The following PPP6R3 variants were observed in gnomAD, a reference collection of about 807,000 sequenced individuals.
PPP6R3 encodes serine/threonine-protein phosphatase 6 regulatory subunit 3.
Under a neutral mutation model 110.7 loss-of-function variants are expected in PPP6R3, and 38 were observed. The ratio of observed to expected loss-of-function variants is 0.34; its 90% CI spans 0.26 to 0.45. The LOEUF (loss-of-function observed/expected upper bound fraction) is 0.45. Among genes scored for constraint, PPP6R3 ranks in the 20% least tolerant of loss-of-function variants. The pLI is 1.00. For missense variants in PPP6R3, 870 were observed against 1,062.4 expected (o/e 0.82, Z 2.52); for synonymous variants, 369 against 373.5 (o/e 0.99, Z 0.14).
rs565261903 is a variant in PPP6R3 at position 68,597,266 on chromosome 11, G to A, written c.2038+1048G>A. Reference sequence around the variant, plus strand: ...ATTAGGCCTCTTTGTAGAGGCAGGTGGGTATGAGGCTGAAGGACCCGTAGG... The same window carrying A: ...ATTAGGCCTCTTTGTAGAGGCAGGTAGGTATGAGGCTGAAGGACCCGTAGG... On this transcript the variant is annotated intron_variant, in intron 19 of 23. Coordinates refer to ENST00000393800, the MANE Select transcript of PPP6R3 (RefSeq NM_001164161.2). 2.2e-4 allele frequency among the ~76,000 whole-genome samples: 34 copies of A among 152,282 alleles called. No homozygotes were observed. The South Asian group carries it at 6.8e-3, about 31-fold the overall frequency.
At chr11:68,536,186 AT>A (rs372090022) in intron 2 of PPP6R3, among the ~76,000 whole-genome samples, 58 of 149,202 alleles carry the variant, frequency 3.9e-4, no homozygotes, top group African/African-American at 5.2e-4. Context: ...TTTAAAAAAC[AT>A]TTTTTTTTTG....
Position 68,507,245 on chromosome 11 carries a change from CAT to C in PPP6R3, c.-157-12255_-157-12254del, listed in dbSNP as rs1491111641. 3.2e-3 allele frequency among the ~76,000 whole-genome samples: 383 copies of C among 121,570 alleles called. 1 individual carries two copies. Among genetic ancestry groups the C allele is most frequent in the African/African-American group, 0.011 (336 of 30,804 alleles). 79.8% of individuals were successfully genotyped at this position (121,570 alleles called of 152,430 possible). On this transcript the variant is annotated intron_variant, in intron 1 of 23. Coordinates refer to ENST00000393800, the MANE Select transcript of PPP6R3 (RefSeq NM_001164161.2). Reference sequence around the variant, plus strand: ...TGTACTTTTCACAGTAGTCTTTTTGCATTTTTTTTTTTTTTTTTTTGGTATAG... The same window carrying C: ...TGTACTTTTCACAGTAGTCTTTTTGCTTTTTTTTTTTTTTTTTTGGTATAG...
rs147924835 is a variant in PPP6R3 at position 68,563,768 on chromosome 11, T to C, written c.846-535T>C. On this transcript the variant is annotated intron_variant, in intron 8 of 23. Transcript: ENST00000393800. Reference sequence around the variant, plus strand: ...CCCAGAATTCTTATCCTTGAGTATTTACCCAGTTCTCATTCTACCTGTAAT... The same window carrying C: ...CCCAGAATTCTTATCCTTGAGTATTCACCCAGTTCTCATTCTACCTGTAAT... Among the ~76,000 whole-genome samples, 11 of 152,368 alleles carry C rather than the reference T, an allele frequency of 7.2e-5. No homozygotes were observed. The East Asian group carries it at 2.1e-3, about 29-fold the overall frequency.
chr11:68,564,189 T>C, intron 8 of PPP6R3, 114 bp from the exon 9 acceptor site: 1 of 1,151,450 alleles, frequency 8.7e-7, no homozygotes, highest in Non-Finnish European at 1.2e-6. Flanking sequence ...CCTAGCCTTT[T>C]TTCCCGCAGC....
intron 1 of PPP6R3, among the ~76,000 whole-genome samples, chr11:68,478,165 G>T (rs1283962114): frequency 2.6e-5 from 4 of 151,976 alleles, no homozygotes; most frequent in African/African-American, 9.7e-5. Context: ...GGCCAGGCTG[G>T]TCTCGAACTC....
At position 68,585,256 on chromosome 11, in the gene PPP6R3, G is replaced by A. The variant is rs562179178; in HGVS notation, c.1632+2127G>A. Among the ~76,000 whole-genome samples, 3 of 152,308 alleles carry A rather than the reference G, an allele frequency of 2.0e-5. No individual in the cohort carries two copies. In the South Asian group the frequency reaches 6.2e-4, roughly 32 times the overall value. On this transcript the variant is annotated intron_variant, in intron 15 of 23. Transcript: ENST00000393800. The stretch of plus-strand genomic sequence containing the variant: ...GTTTGGAGGGTGAGGCCCCCATGGA[G>A]GTCTGGAGAATTCAGACTGACTGCC...
At chr11:68,499,673 A>T (rs1306295323) in intron 1 of PPP6R3, among the ~76,000 whole-genome samples, 1 of 151,948 alleles carries the variant, frequency 6.6e-6, no homozygotes, top group African/African-American at 2.4e-5. Context: ...GGCTCAAGGG[A>T]TCCCCCCACT....
chr11:68,481,496 C>T (rs1054625639), intron 1 of PPP6R3, among the ~76,000 whole-genome samples: 1 of 152,208 alleles, frequency 6.6e-6, no homozygotes, highest in African/African-American at 2.4e-5. Context: ...AAGAGCCAAG[C>T]TTGATAATCT....
intron 3 of PPP6R3, among the ~76,000 whole-genome samples, chr11:68,539,847 G>T (rs1340373772): frequency 6.6e-6 from 1 of 152,182 alleles, no homozygotes; most frequent in Non-Finnish European, 1.5e-5. Flanking sequence ...GGGCAGAGGA[G>T]CTCAGGAAAG....
intron 3 of PPP6R3, among the ~76,000 whole-genome samples, chr11:68,540,057 A>G (rs11228276): frequency 0.23 from 35,017 of 152,042 alleles, 4,284 homozygotes; most frequent in Middle Eastern, 0.32. Context: ...AAATGGAAGG[A>G]GGGAGGGTTG....
chr11:68,504,039 C>G (rs1309953776), intron 1 of PPP6R3, among the ~76,000 whole-genome samples: 1 of 152,164 alleles, frequency 6.6e-6, no homozygotes, highest in Non-Finnish European at 1.5e-5. Flanking sequence ...GGCCACGTGC[C>G]TAATTAGAAG....
chr11:68,601,430 T>C (rs975274647), intron 20 of PPP6R3, among the ~76,000 whole-genome samples: 6 of 152,216 alleles, frequency 3.9e-5, no homozygotes, highest in African/African-American at 1.4e-4. Flanking sequence ...ACAACAAATA[T>C]CATTAAGAGG....
At chr11:68,611,786 C>A (rs924440147) in intron 23 of PPP6R3, among the ~76,000 whole-genome samples, 1 of 152,118 alleles carries the variant, frequency 6.6e-6, no homozygotes, top group African/African-American at 2.4e-5. Context: ...TAGAGTGCGT[C>A]CTAGATTGCA....
chr11:68,478,320 G>T (rs1469997074), intron 1 of PPP6R3, among the ~76,000 whole-genome samples: 1 of 152,194 alleles, frequency 6.6e-6, no homozygotes, highest in Admixed American at 6.5e-5. Context: ...AGATTTAGAG[G>T]TGTGAGCCCC....
chr11:68,528,433 TGG>T (rs10557748), intron 2 of PPP6R3, among the ~76,000 whole-genome samples: 34,854 of 127,566 alleles, frequency 0.27, 4,793 homozygotes, highest in Middle Eastern at 0.38. Flanking sequence ...TTTGTGTGTG[TGG>T]GGGGGGGGGC....
chr11:68,573,112 TTTTATATATA>T (rs1429849933), intron 12 of PPP6R3, among the ~76,000 whole-genome samples: 34 of 38,078 alleles, frequency 8.9e-4, no homozygotes, highest in African/African-American at 3.4e-3. Context: ...AGTTTACTTA[TTTTATATATA>T]TATATATATA....
intron 2 of PPP6R3, among the ~76,000 whole-genome samples, chr11:68,524,121 A>T (rs556701465): frequency 6.6e-6 from 1 of 152,306 alleles, no homozygotes; most frequent in East Asian, 1.9e-4. Context: ...GTTCCTATAG[A>T]AAATCATTCA....
Position 68,614,907 on chromosome 11 carries a change from GT to G in PPP6R3, c.*1794del. 1.3e-6 allele frequency: 1 copy of G among 778,140 alleles called. No individual in the cohort carries two copies. The highest frequency in any genetic ancestry group is 2.1e-6 in the Non-Finnish European group (1 of 466,534). The allele number at this position is 778,140 out of a possible 1,614,324, so 48.2% of individuals were successfully genotyped here. ...ATGCTCTGGTCTCGCCTGGTGGTGA[GT>G]TTTGCCAGCCATGGCCAGGGTTTGG... On this transcript the variant is annotated 3_prime_UTR_variant, in exon 24 of 24. Coordinates refer to ENST00000393800, the MANE Select transcript of PPP6R3 (RefSeq NM_001164161.2).
chr11:68,543,836 G>A (rs949771613), intron 3 of PPP6R3, among the ~76,000 whole-genome samples: 5 of 152,174 alleles, frequency 3.3e-5, no homozygotes, highest in African/African-American at 4.8e-5. Flanking sequence ...AAACAGACAC[G>A]AGATTGTCAT....
Sources: gnomAD v4.1 joint callset for allele counts (sites outside exome capture counted in the v4.1 genomes callset) on GRCh38, gnomAD v4.1.1 for gene constraint, MANE v1.5 for transcripts, NCBI Gene and HGNC (gene_info 2026-07-23, HGNC 2026-07-21) for gene names.